ACTG2: variants seen among roughly 807,000 people sequenced by gnomAD.
ACTG2 encodes the protein actin gamma 2, smooth muscle, also known as actin, gamma-enteric smooth muscle.
In ACTG2, 16 loss-of-function variants were observed where a neutral mutation model predicts 37.6. That is an observed-to-expected ratio of 0.43 (90% CI 0.29 to 0.65). ACTG2 has a LOEUF of 0.65. ACTG2 is among the 30% of genes least tolerant of loss of function. ACTG2 has a pLI of 0.18. For missense variants in ACTG2, 238 were observed against 490.9 expected (o/e 0.48, Z 4.87); for synonymous variants, 181 against 179.9 (o/e 1.01, Z -0.05).
At chr2:73,902,795 A>C (rs1264483361) in intron 3 of ACTG2, 35 of 1,539,654 alleles carry the variant, frequency 2.3e-5, no homozygotes, top group Non-Finnish European at 2.8e-5. Context: ...ACCTCCTCAG[A>C]AATCTTCAGT....
At position 73,914,911 on chromosome 2, in the gene ACTG2, G is replaced by A. The variant is rs1388211362; in HGVS notation, c.805+40G>A. ...ACAGTCCCTGCCAATCTCAGGAGGG[G>A]AGGGTGGAGGAGTGGGTGAGGTATG... is the stretch of plus-strand genomic sequence containing the variant. On this transcript the variant is annotated intron_variant, in intron 7 of 8. Coordinates refer to ENST00000345517, the MANE Select transcript of ACTG2 (RefSeq NM_001615.4). The A allele has an allele frequency of 4.8e-6, 7 of 1,456,536 alleles. No individual in the cohort carries two copies. In the African/African-American group the frequency reaches 1.0e-4, roughly 21 times the overall value. The allele number at this position is 1,456,536 out of a possible 1,614,324, so 90.2% of individuals were successfully genotyped here. A position where few individuals can be genotyped will look rare whatever the true frequency, so the allele number is the denominator to read the frequency against.
chr2:73,907,600 G>C (rs976837311), intron 3 of ACTG2, among the ~76,000 whole-genome samples: 2 of 152,108 alleles, frequency 1.3e-5, no homozygotes, highest in African/African-American at 4.8e-5. Context: ...TCCTGCCCCA[G>C]CCTCCTGAGT....
rs755063869 is a variant in ACTG2, at chr2:73,919,415, A to G, written c.988-17A>G. 1.3e-5 allele frequency: 21 copies of G among 1,611,354 alleles called. No individual in the cohort carries two copies. In the Admixed American group the frequency reaches 3.5e-4, roughly 27 times the overall value. On this transcript the variant is annotated splice_polypyrimidine_tract_variant and intron_variant, in intron 8 of 8. Transcript: ENST00000345517. The stretch of plus-strand genomic sequence containing the variant: ...CCTTGGGGACTGATCATGATTCACC[A>G]CATTTGTTCTTTGCAGATTATTGCT...
chr2:73,907,173 T>C (rs1406456121), intron 3 of ACTG2, among the ~76,000 whole-genome samples: 1 of 152,188 alleles, frequency 6.6e-6, no homozygotes, highest in Non-Finnish European at 1.5e-5. Context: ...GCTTGTGTTT[T>C]TCTTTTTGTT....
At chr2:73,903,203 C>T (rs1679929331) in intron 3 of ACTG2, 1 of 154,428 alleles carries the variant, frequency 6.5e-6, no homozygotes, top group African/African-American at 2.4e-5. Context: ...TTGTGATTAA[C>T]TCTGGTGACA....
At chr2:73,915,133 CAG>C (rs1337292189) in intron 7 of ACTG2, among the ~76,000 whole-genome samples, 1 of 151,996 alleles carries the variant, frequency 6.6e-6, no homozygotes, top group African/African-American at 2.4e-5. Context: ...GGTTAAAACA[CAG>C]AAAGTTTGTA....
chr2:73,893,223 G>A lies in ACTG2; in HGVS notation c.-37+172G>A, dbSNP rs533812005. 2.3e-4 allele frequency among the ~76,000 whole-genome samples: 35 copies of A among 152,322 alleles called. 1 individual carries two copies. The South Asian group carries it at 7.0e-3, about 31-fold the overall frequency. ...GCATACTGCAGCCTGCTGAGAAAAG[G>A]CGTATCTGGCCATGGGACATCCTGG... On this transcript the variant is annotated intron_variant, in intron 1 of 8. Transcript: ENST00000345517.
intron 8 of ACTG2, among the ~76,000 whole-genome samples, 163 bp from the exon 9 acceptor site, chr2:73,919,268 GA>G (rs1432328644): frequency 6.6e-6 from 1 of 152,244 alleles, no homozygotes. Context: ...AATAAGGGAA[GA>G]GGGGGGAAGT....
At chr2:73,900,366 T>A (rs958022870) in intron 1 of ACTG2, among the ~76,000 whole-genome samples, 1 of 151,596 alleles carries the variant, frequency 6.6e-6, no homozygotes, top group Non-Finnish European at 1.5e-5. Flanking sequence ...TGTTTGTAAC[T>A]CAAAAGAAAG....
intron 1 of ACTG2, among the ~76,000 whole-genome samples, chr2:73,896,499 C>T (rs972140958): frequency 6.6e-6 from 1 of 151,946 alleles, no homozygotes; most frequent in East Asian, 1.9e-4. Context: ...CATGTTCTAG[C>T]GGAGGAAACT....
intron 3 of ACTG2, among the ~76,000 whole-genome samples, chr2:73,904,210 C>G (rs1348075556): frequency 7.5e-6 from 1 of 133,462 alleles, no homozygotes; most frequent in Admixed American, 8.1e-5. Context: ...GTTCACGCCA[C>G]TGCACTCCAG....
In ACTG2 at chr2:73,913,597, C is replaced by T. The variant is rs1043234219; in HGVS notation, c.564C>T (p.Asp188=). 5.6e-6 allele frequency: 9 copies of T among 1,613,824 alleles called. No homozygotes were observed. Among genetic ancestry groups the T allele is most frequent in the African/African-American group, 1.3e-5 (1 of 74,942 alleles). The change falls in exon 6 of 9, where the codon GAC becomes GAT. Residue 188 remains aspartate, a synonymous_variant. Coordinates refer to ENST00000345517, the MANE Select transcript of ACTG2 (RefSeq NM_001615.4). Reference sequence around the variant, plus strand: ...ACTTGGCTGGCCGTGACCTCACGGACTACCTCATGAAGATCCTCACAGAGA... The same window carrying T: ...ACTTGGCTGGCCGTGACCTCACGGATTACCTCATGAAGATCCTCACAGAGA... ...RLDLAGRDLT[D]YLMKILTERG...
intron 1 of ACTG2, among the ~76,000 whole-genome samples, chr2:73,898,786 CTTTTCTTTTTT>C (rs370813759): frequency 0.17 from 23,454 of 140,280 alleles, 1,997 homozygotes; most frequent in Middle Eastern, 0.26. Context: ...TTTCTTTTTT[CTTTTCTTTTTT>C]TTTTCTTTTT....
intron 3 of ACTG2, among the ~76,000 whole-genome samples, chr2:73,904,931 T>G (rs1330064527): frequency 2.6e-5 from 4 of 151,108 alleles, no homozygotes; most frequent in African/African-American, 9.7e-5. Context: ...CTAAAGTATG[T>G]TTGCAGAAAT....
At chr2:73,916,827 T>C in intron 8 of ACTG2, 62 bp downstream of exon 8, 1 of 1,562,470 alleles carries the variant, frequency 6.4e-7, no homozygotes, top group Admixed American at 1.8e-5. Flanking sequence ...TACCTGGGAG[T>C]TCCTCGGAGG....
At position 73,914,825 on chromosome 2, in the gene ACTG2, T is replaced by C; in HGVS notation, c.759T>C (p.Asn253=). The change falls in exon 7 of 9, where the codon AAT becomes AAC. Residue 253 remains asparagine (N), a synonymous_variant. Coordinates refer to ENST00000345517, the MANE Select transcript of ACTG2 (RefSeq NM_001615.4). Reference sequence around the variant, plus strand: ...ATGGGCAGGTTATCACCATTGGCAATGAGCGCTTCCGCTGCCCTGAGACCC... The same window carrying C: ...ATGGGCAGGTTATCACCATTGGCAACGAGCGCTTCCGCTGCCCTGAGACCC... ...LPDGQVITIG[N]ERFRCPETLF... 6.2e-7 allele frequency: 1 copy of C among 1,606,728 alleles called. No homozygotes were observed. The highest frequency in any genetic ancestry group is 8.5e-7 in the Non-Finnish European group (1 of 1,174,894).
intron 3 of ACTG2, among the ~76,000 whole-genome samples, chr2:73,906,267 C>T (rs1331985078): frequency 6.6e-6 from 1 of 151,280 alleles, no homozygotes; most frequent in African/African-American, 2.4e-5. Flanking sequence ...CTGGCTAACA[C>T]GGTGAAACCA....
chr2:73,908,283 T>G (rs1680055300), intron 3 of ACTG2: 1 of 471,934 alleles, frequency 2.1e-6, no homozygotes. Context: ...GCCCTCCTAC[T>G]TTCCAGCCTC....
At chr2:73,904,982 T>G (rs868433934) in intron 3 of ACTG2, among the ~76,000 whole-genome samples, 1 of 151,490 alleles carries the variant, frequency 6.6e-6, no homozygotes, top group Non-Finnish European at 1.5e-5. Context: ...ATTTTTTTAA[T>G]TATGAAGGAA....
Sources: allele counts gnomAD v4.1 joint callset (sites outside exome capture counted in the v4.1 genomes callset), GRCh38; gene constraint gnomAD v4.1.1; transcripts MANE v1.5; gene names NCBI Gene and HGNC (gene_info 2026-07-23, HGNC 2026-07-21).